Variants in TRIM24 observed in about 807,000 individuals in gnomAD.
TRIM24 encodes the protein tripartite motif containing 24.
Under a neutral mutation model 123.9 loss-of-function variants are expected in TRIM24, and 29 were observed. The ratio of observed to expected loss-of-function variants is 0.23; its 90% CI spans 0.17 to 0.32. TRIM24 has a LOEUF of 0.32. Ranked by LOEUF, TRIM24 falls within the 10% of genes least tolerant of loss-of-function variation. The pLI is 1.00. For missense variants in TRIM24, 932 were observed against 1,295.3 expected, an observed-to-expected ratio of 0.72 and a Z score of 4.31; for synonymous variants, 456 against 461.1, an observed-to-expected ratio of 0.99 and a Z score of 0.14.
At chr7:138,581,920 TGTA>T (rs769291118) in intron 17 of TRIM24, 149 bp downstream of exon 17, 1 of 557,108 alleles carries the variant, frequency 1.8e-6, no homozygotes, top group Non-Finnish European at 3.0e-6. Flanking sequence ...TTTGATCCTA[TGTA>T]GGTACATTTT....
intron 14 of TRIM24, among the ~76,000 whole-genome samples, chr7:138,578,920 G>GTATATA (rs71177997): frequency 1.2e-3 from 171 of 146,428 alleles, no homozygotes; most frequent in Admixed American, 2.2e-3. Flanking sequence ...CTCCAGTGAG[G>GTATATA]TATATATATA....
intron 10 of TRIM24, among the ~76,000 whole-genome samples, chr7:138,569,279 C>T (rs1197660896): frequency 6.6e-6 from 1 of 152,026 alleles, no homozygotes; most frequent in Non-Finnish European, 1.5e-5. Flanking sequence ...ATACTCTAAG[C>T]ATGTTTTTTT....
intron 8 of TRIM24, among the ~76,000 whole-genome samples, chr7:138,551,865 G>A (rs1008094938): frequency 4.6e-5 from 7 of 152,046 alleles, no homozygotes; most frequent in African/African-American, 1.7e-4. Context: ...CTTGCTTAGG[G>A]AAGACTTTTA....
chr7:138,466,249 C>T (rs1277064491), intron 1 of TRIM24, among the ~76,000 whole-genome samples: 1 of 152,178 alleles, frequency 6.6e-6, no homozygotes, highest in Non-Finnish European at 1.5e-5. Context: ...CCCGCCTCGG[C>T]CTCCCGAAGT....
chr7:138,465,571 A>C (rs1795117436), intron 1 of TRIM24, among the ~76,000 whole-genome samples: 1 of 152,166 alleles, frequency 6.6e-6, no homozygotes, highest in African/African-American at 2.4e-5. Flanking sequence ...ATAAGACTAA[A>C]TCCCTTTTCC....
intron 6 of TRIM24, among the ~76,000 whole-genome samples, chr7:138,537,296 T>TCTGCGTCACTCACGCTGGGAG (rs1226967375): frequency 3.3e-5 from 5 of 151,750 alleles, no homozygotes; most frequent in African/African-American, 1.2e-4. Flanking sequence ...TCACCCATCT[T>TCTGCGTCACTCACGCTGGGAG]CTGCGTCACT....
intron 3 of TRIM24, among the ~76,000 whole-genome samples, chr7:138,516,808 G>GTTTTTTTTTTTTTTTTTTTTTTTTT (rs1224612357): frequency 7.6e-6 from 1 of 131,874 alleles, no homozygotes; most frequent in African/African-American, 2.9e-5. Flanking sequence ...TAGCAAAACC[G>GTTTTTTTTTTTTTTTTTTTTTTTTT]TTTTGTTTTT....
Position 138,584,869 on chromosome 7 carries a change from T to A in TRIM24, c.3071T>A (p.Phe1024Tyr). 1 of 1,613,796 alleles carries A rather than the reference T, an allele frequency of 6.2e-7. No individual in the cohort carries two copies. Among genetic ancestry groups the A allele is most frequent in the South Asian group, 1.1e-5 (1 of 91,006 alleles). The change falls in exon 19 of 19, where the codon TTT becomes TAT. Residue 1024 changes from phenylalanine (F) to tyrosine (Y), a missense_variant. Transcript: ENST00000343526. Reference protein sequence around the residue: ...EFRNESEDNKFSDDSDDDFVQ... With the variant: ...EFRNESEDNKYSDDSDDDFVQ... ...AGGAATGAATCAGAAGATAATAAAT[T>A]TAGTGATGATTCAGATGATGACTTT... is the stretch of plus-strand genomic sequence containing the variant.
At chr7:138,545,369 G>A (rs1448367178) in intron 7 of TRIM24, 1 of 455,722 alleles carries the variant, frequency 2.2e-6, no homozygotes, top group Non-Finnish European at 4.4e-6. Flanking sequence ...GTGGTAAGAA[G>A]AATTAGCCAG....
intron 9 of TRIM24, 63 bp downstream of exon 9, chr7:138,555,029 C>G (rs764729030): frequency 2.0e-5 from 30 of 1,484,598 alleles, no homozygotes; most frequent in South Asian, 1.3e-4. Context: ...TTTAGCAGCT[C>G]AAAATAACAA....
intron 9 of TRIM24, among the ~76,000 whole-genome samples, chr7:138,565,189 C>A (rs532942310): frequency 6.6e-6 from 1 of 152,118 alleles, no homozygotes; most frequent in Non-Finnish European, 1.5e-5. Flanking sequence ...CACACTTCCC[C>A]GCTCCCAGTT....
intron 1 of TRIM24, among the ~76,000 whole-genome samples, chr7:138,487,398 G>A (rs983640075): frequency 1.3e-5 from 2 of 152,130 alleles, no homozygotes; most frequent in Admixed American, 6.6e-5. Flanking sequence ...GGTGAGAGAG[G>A]GCATCCCTGT....
At chr7:138,475,962 G>A (rs908528922) in intron 1 of TRIM24, among the ~76,000 whole-genome samples, 19 of 152,228 alleles carry the variant, frequency 1.2e-4, no homozygotes, top group South Asian at 1.2e-3. Flanking sequence ...TCATTAAAGA[G>A]GTAGGACACA....
In TRIM24 at chr7:138,576,367, C is replaced by T; in HGVS notation, c.2015-6C>T. 1 of 1,612,844 alleles carries T rather than the reference C, an allele frequency of 6.2e-7. No individual in the cohort carries two copies. The highest frequency in any genetic ancestry group is 2.2e-5 in the East Asian group (1 of 44,872). ...TTTTATGAATGTATGGTTTCCCCCT[C>T]CTCAGGACCTGTTACTATGACTAGT... On this transcript the variant is annotated splice_region_variant and splice_polypyrimidine_tract_variant and intron_variant, in intron 12 of 18. Transcript: ENST00000343526.
chr7:138,522,650 A>AT (rs200586676), intron 4 of TRIM24, among the ~76,000 whole-genome samples: 15 of 149,628 alleles, frequency 1.0e-4, no homozygotes, highest in East Asian at 3.9e-4. Context: ...AAACAAAGTC[A>AT]TTTTTTTTTT....
At chr7:138,565,521 G>T (rs955563225) in intron 9 of TRIM24, among the ~76,000 whole-genome samples, 1 of 151,854 alleles carries the variant, frequency 6.6e-6, no homozygotes, top group Admixed American at 6.6e-5. Flanking sequence ...GGGGTCACAG[G>T]TCTCTCCCGG....
At chr7:138,477,057 C>T (rs373541775) in intron 1 of TRIM24, among the ~76,000 whole-genome samples, 1 of 46,366 alleles carries the variant, frequency 2.2e-5, no homozygotes, top group Non-Finnish European at 5.4e-5. Flanking sequence ...CCCTTTGTGT[C>T]TCTGTGTGTG....
In TRIM24 at chr7:138,579,341, A is replaced by C; in HGVS notation, c.2394A>C (p.Ser798=). ...DQPGLHQDNS[S]NGKSEWLDPS... is the part of the protein sequence containing the mutation. ...CTGGACTTCACCAGGACAATTCCTC[A>C]AATGGAAAGTCTGAATGGTTGGATC... The change falls in exon 15 of 19, where the codon TCA becomes TCC. Residue 798 remains serine (S), a synonymous_variant. Transcript: ENST00000343526. The C allele has an allele frequency of 6.2e-7, 1 of 1,614,186 alleles. No homozygotes were observed. Among genetic ancestry groups the C allele is most frequent in the Non-Finnish European group, 8.5e-7 (1 of 1,180,018 alleles).
intron 10 of TRIM24, among the ~76,000 whole-genome samples, chr7:138,569,085 A>G (rs1318233053): frequency 6.6e-6 from 1 of 152,166 alleles, no homozygotes; most frequent in Admixed American, 6.6e-5. Flanking sequence ...CTTAAATTCT[A>G]CTTATTTTCC....
Sources: gnomAD v4.1 joint callset for allele counts (sites outside exome capture counted in the v4.1 genomes callset) on GRCh38, gnomAD v4.1.1 for gene constraint, MANE v1.5 for transcripts, NCBI Gene and HGNC (gene_info 2026-07-23, HGNC 2026-07-21) for gene names.